Variants in EFNB2 observed in about 807,000 individuals in gnomAD.
EFNB2 encodes ephrin B2, also known as ephrin-B2.
Under a neutral mutation model 32.1 loss-of-function variants are expected in EFNB2, and 5 were observed. The observed-to-expected ratio is 0.16, with a 90% CI of 0.08 to 0.33. EFNB2 has a LOEUF of 0.33. Ranked by LOEUF, EFNB2 falls within the 10% of genes least tolerant of loss-of-function variation. EFNB2 has a pLI of 1.00. For missense variants in EFNB2, 263 were observed against 422.6 expected (o/e 0.62, Z 3.31); for synonymous variants, 168 against 166.5 (o/e 1.01, Z -0.07).
rs1480367392 is a variant in EFNB2 at position 106,535,585 on chromosome 13, G to C, written c.-621C>G. ...CGGACGCGCGCGGGCCTTTGTGTGC[G>C]GGGAGGGCGCCGGGACCCGCTGCGT... On this transcript the variant is annotated 5_prime_UTR_variant, in exon 1 of 5. Coordinates refer to ENST00000646441, the MANE Select transcript of EFNB2 (RefSeq NM_004093.4). 6.6e-6 allele frequency: 1 copy of C among 150,576 alleles called. No homozygotes were observed. The highest frequency in any genetic ancestry group is 1.5e-5 in the Non-Finnish European group (1 of 67,486). The allele number at this position is 150,576 out of a possible 1,614,324, so 9.3% of individuals were successfully genotyped here. A position where few individuals can be genotyped will look rare whatever the true frequency, so the allele number is the denominator to read the frequency against.
chr13:106,508,497 TAGG>T (rs1806595225), intron 2 of EFNB2, among the ~76,000 whole-genome samples: 1 of 152,126 alleles, frequency 6.6e-6, no homozygotes, highest in Admixed American at 6.5e-5. Flanking sequence ...ACTTGAAGAT[TAGG>T]AGATCTCATT....
rs74113033 is a variant in EFNB2 at position 106,503,834 on chromosome 13, T to C, written c.407-7994A>G. Reference sequence around the variant, plus strand: ...CTACTAAGATAGAGGAATTGTGTTTTAAAAATAGGCGGCCAGATGACCACT... The same window carrying C: ...CTACTAAGATAGAGGAATTGTGTTTCAAAAATAGGCGGCCAGATGACCACT... On this transcript the variant is annotated intron_variant, in intron 2 of 4. Coordinates refer to ENST00000646441, the MANE Select transcript of EFNB2 (RefSeq NM_004093.4). Among the ~76,000 whole-genome samples, 695 of 152,308 alleles carry C rather than the reference T, an allele frequency of 4.6e-3. 6 individuals carry two copies. Among genetic ancestry groups the C allele is most frequent in the African/African-American group, 0.016 (675 of 41,566 alleles).
chr13:106,511,902 C>T (rs1879151499), intron 2 of EFNB2, among the ~76,000 whole-genome samples: 1 of 152,126 alleles, frequency 6.6e-6, no homozygotes, highest in Admixed American at 6.5e-5. Flanking sequence ...ACCATCTCTT[C>T]TTGAAACAGC....
intron 4 of EFNB2, 96 bp downstream of exon 4, chr13:106,494,785 C>G (rs1200573753): frequency 1.1e-6 from 1 of 893,906 alleles, no homozygotes; most frequent in Non-Finnish European, 1.8e-6. Context: ...CTAATCCTAA[C>G]TGGTTAGAAG....
At chr13:106,525,134 A>C (rs1345460822) in intron 1 of EFNB2, among the ~76,000 whole-genome samples, 1 of 152,236 alleles carries the variant, frequency 6.6e-6, no homozygotes, top group Admixed American at 6.5e-5. Flanking sequence ...CTTTAAATAC[A>C]TTAAATGTTG....
At chr13:106,499,160 T>C (rs912343507) in intron 2 of EFNB2, among the ~76,000 whole-genome samples, 1 of 152,090 alleles carries the variant, frequency 6.6e-6, no homozygotes, top group Admixed American at 6.6e-5. Context: ...TTGATGTAAG[T>C]ATAGCTTCCC....
At chr13:106,501,711 G>A (rs1187599030) in intron 2 of EFNB2, among the ~76,000 whole-genome samples, 3 of 151,620 alleles carry the variant, frequency 2.0e-5, no homozygotes, top group Non-Finnish European at 2.9e-5. Context: ...TCCTGCCTCA[G>A]CCTCCCGAGT....
intron 1 of EFNB2, chr13:106,517,002 A>G (rs1456511716): frequency 1.3e-5 from 2 of 152,224 alleles, no homozygotes; most frequent in Non-Finnish European, 2.9e-5. Context: ...CAGTAAACAG[A>G]GTTCCTATTT....
chr13:106,530,610 C>CT (rs1206404853), intron 1 of EFNB2, among the ~76,000 whole-genome samples: 1 of 152,154 alleles, frequency 6.6e-6, no homozygotes, highest in East Asian at 1.9e-4. Context: ...AAAGAAATAT[C>CT]TTTCCTAAAA....
chr13:106,506,578 A>G (rs9587148), intron 2 of EFNB2: 96,903 of 152,044 alleles, frequency 0.64, 31,228 homozygotes, highest in Non-Finnish European at 0.69. Context: ...TAAGTTATGC[A>G]GCATTACTGA....
intron 1 of EFNB2, among the ~76,000 whole-genome samples, chr13:106,533,971 G>T (rs750773869): frequency 1.3e-5 from 2 of 152,222 alleles, no homozygotes; most frequent in Admixed American, 1.3e-4. Flanking sequence ...TCTCCACAAG[G>T]CCTGGCTCGC....
At chr13:106,494,562 A>C (rs1382934243) in intron 4 of EFNB2, among the ~76,000 whole-genome samples, 1 of 152,272 alleles carries the variant, frequency 6.6e-6, no homozygotes, top group Admixed American at 6.5e-5. Flanking sequence ...CATTAACATC[A>C]GCTTTAAGCT....
chr13:106,516,935 C>A (rs1273076506), intron 1 of EFNB2: 1 of 152,124 alleles, frequency 6.6e-6, no homozygotes, highest in Non-Finnish European at 1.5e-5. Flanking sequence ...GGGTGAGTTT[C>A]CTAATAGTAT....
At chr13:106,533,214 T>C (rs1879940762) in intron 1 of EFNB2, among the ~76,000 whole-genome samples, 1 of 147,460 alleles carries the variant, frequency 6.8e-6, no homozygotes, top group African/African-American at 2.5e-5. Flanking sequence ...CATGGAAGAG[T>C]GACCTCTGGA....
chr13:106,496,542 C>T (rs78639542), intron 2 of EFNB2, among the ~76,000 whole-genome samples: 2,626 of 152,332 alleles, frequency 0.017, 81 homozygotes, highest in African/African-American at 0.06. Context: ...AGGGTTCACA[C>T]ACATGCCCAC....
At chr13:106,512,465 A>G in intron 2 of EFNB2, 64 bp downstream of exon 2, 1 of 1,122,192 alleles carries the variant, frequency 8.9e-7, no homozygotes, top group Non-Finnish European at 1.2e-6. Flanking sequence ...GAAACAAAAA[A>G]TTGATACAAA....
Position 106,535,120 on chromosome 13 carries a change from G to T in EFNB2, c.-156C>A. On this transcript the variant is annotated 5_prime_UTR_variant, in exon 1 of 5. Coordinates refer to ENST00000646441, the MANE Select transcript of EFNB2 (RefSeq NM_004093.4). The stretch of plus-strand genomic sequence containing the variant: ...GCTGCGCAGCTCCAGCGGTCGCCGG[G>T]CCAGGTGCGCTCGCTCTCCGGGGCC... 1.1e-6 allele frequency: 1 copy of T among 904,578 alleles called. No individual in the cohort carries two copies. The highest frequency in any genetic ancestry group is 1.5e-6 in the Non-Finnish European group (1 of 681,846). 56.0% of individuals were successfully genotyped at this position (904,578 alleles called of 1,614,324 possible).
In EFNB2 at chr13:106,493,124, C is replaced by T; in HGVS notation, c.918G>A (p.Lys306=). The change falls in exon 5 of 5, where the codon AAG becomes AAA. Residue 306 remains lysine (K), a synonymous_variant. Coordinates refer to ENST00000646441, the MANE Select transcript of EFNB2 (RefSeq NM_004093.4). The surrounding 1 kb of genome is among the most constrained non-coding windows in gnomAD (Gnocchi z 6.1). ...ADSVFCPHYE[K]VSGDYGHPVY... ...CCGGGTGCCCGTAGTCCCCGCTGAC[C>T]TTCTCGTAGTGAGGGCAGAAGACGC... The T allele has an allele frequency of 6.2e-7, 1 of 1,614,086 alleles. No individual in the cohort carries two copies. The highest frequency in any genetic ancestry group is 8.5e-7 in the Non-Finnish European group (1 of 1,180,044).
At chr13:106,522,176 A>C (rs1334750474) in intron 1 of EFNB2, among the ~76,000 whole-genome samples, 2 of 152,116 alleles carry the variant, frequency 1.3e-5, no homozygotes, top group Non-Finnish European at 2.9e-5. Context: ...GCAAGTGAGA[A>C]GGGGGGTGAT....
Sources: gnomAD v4.1 joint callset for allele counts (sites outside exome capture counted in the v4.1 genomes callset) on GRCh38, gnomAD v4.1.1 for gene constraint, Gnocchi (gnomAD v3.1) non-coding constraint, MANE v1.5 for transcripts, NCBI Gene and HGNC (gene_info 2026-07-23, HGNC 2026-07-21) for gene names.